PSD2: variants seen among roughly 807,000 people sequenced by gnomAD.
PSD2 encodes the protein pleckstrin and Sec7 domain containing 2.
A neutral mutation model predicts 69.8 loss-of-function variants in PSD2; 38 were observed. The observed-to-expected ratio is 0.54, with a 90% confidence interval of 0.42 to 0.71. The LOEUF (loss-of-function observed/expected upper bound fraction) is 0.71. PSD2 is among the 30% of genes least tolerant of loss of function. The pLI is 0.00. For synonymous variants in PSD2, 412 were observed against 423.0 expected (o/e 0.97, Z 0.32); for missense variants, 943 against 1,014.5 (o/e 0.93, Z 0.96).
chr5:139,822,812 C>T (rs770160510), intron 7 of PSD2, 28 bp downstream of exon 7: 11 of 1,592,494 alleles, frequency 6.9e-6, no homozygotes, highest in Admixed American at 3.5e-5. Context: ...CGGGGGGTGT[C>T]GCATGTCCTC....
chr5:139,807,244 T>C (rs1342269674), intron 1 of PSD2, among the ~76,000 whole-genome samples: 1 of 152,224 alleles, frequency 6.6e-6, no homozygotes, highest in East Asian at 1.9e-4. Context: ...TGAAACCCTG[T>C]GCCCCAGAGC....
At chr5:139,836,061 T>C (rs976916192) in intron 9 of PSD2, among the ~76,000 whole-genome samples, 9 of 152,260 alleles carry the variant, frequency 5.9e-5, no homozygotes, top group African/African-American at 2.2e-4. Flanking sequence ...CCAATTCCCA[T>C]TGATGACCGC....
intron 9 of PSD2, 80 bp from the exon 10 acceptor site, chr5:139,836,731 G>A: frequency 7.7e-7 from 1 of 1,298,312 alleles, no homozygotes; most frequent in Non-Finnish European, 1.1e-6. Flanking sequence ...CTCCTGGAGA[G>A]GAGGCTGGTG....
At chr5:139,808,331 A>T (rs1206749497) in intron 1 of PSD2, among the ~76,000 whole-genome samples, 1 of 152,178 alleles carries the variant, frequency 6.6e-6, no homozygotes, top group Non-Finnish European at 1.5e-5. Context: ...TGCCCTCTAC[A>T]TCTGGGATTA....
Position 139,814,074 on chromosome 5 carries a change from A to G in PSD2, c.822-96A>G, listed in dbSNP as rs1760050988. On this transcript the variant is annotated intron_variant, in intron 3 of 14. Coordinates refer to ENST00000274710, the MANE Select transcript of PSD2 (RefSeq NM_032289.4). This position sits in a 1 kb window ranked among gnomAD's most constrained non-coding sequence, Gnocchi z 4.4. ...CTTCTTTCCCTGTTCTGGCCCCTAC[A>G]TGGTTTGCAGTGGCCTGGGGAAACC... 8.4e-7 allele frequency: 1 copy of G among 1,188,110 alleles called. No homozygotes were observed. Among genetic ancestry groups the G allele is most frequent in the South Asian group, 1.4e-5 (1 of 73,102 alleles). The allele number at this position is 1,188,110 out of a possible 1,614,324, so 73.6% of individuals were successfully genotyped here.
intron 5 of PSD2, among the ~76,000 whole-genome samples, chr5:139,818,923 A>T (rs893640686): frequency 6.6e-6 from 1 of 152,224 alleles, no homozygotes; most frequent in African/African-American, 2.4e-5. Flanking sequence ...TGGGTGAATT[A>T]TCCATCTTTT....
chr5:139,824,775 T>C (rs1018048929), intron 7 of PSD2, among the ~76,000 whole-genome samples: 1 of 152,090 alleles, frequency 6.6e-6, no homozygotes, highest in African/African-American at 2.4e-5. Flanking sequence ...GGCCTGGCGG[T>C]TGCAGTTACT....
intron 12 of PSD2, 34 bp from the exon 13 acceptor site, chr5:139,838,592 TGA>T: frequency 3.1e-6 from 5 of 1,599,468 alleles, no homozygotes; most frequent in Non-Finnish European, 4.3e-6. Context: ...GAGTCCTGTG[TGA>T]GAGGCCGGCA....
In PSD2 at chr5:139,842,304, G is replaced by C. The variant is rs1303424726; in HGVS notation, c.2146G>C (p.Ala716Pro). The C allele has an allele frequency of 6.2e-7, 1 of 1,614,056 alleles. No homozygotes were observed. The highest frequency in any genetic ancestry group is 8.5e-7 in the Non-Finnish European group (1 of 1,180,048). ...SRYETYIHLLAMKIKVGSDDL... is the reference protein window; with the variant it reads ...SRYETYIHLLPMKIKVGSDDL... ...TTATGAGACCTATATCCACCTCCTG[G>C]CTATGAAAATCAAAGTGGGCTCAGA... Residue 716 changes from alanine (A) to proline (P), a missense_variant, in exon 15 of 15, where the codon GCT becomes CCT. Physicochemically the swap from Ala to Pro is conservative, Grantham distance 27. This residue lies in a region of PSD2 where 165 missense variants were observed against 168.8 expected (regional missense o/e 0.98). Coordinates refer to ENST00000274710, the MANE Select transcript of PSD2 (RefSeq NM_032289.4).
chr5:139,748,456 T>A, the PSD2 span, among the ~76,000 whole-genome samples: 1 of 152,116 alleles, frequency 6.6e-6, no homozygotes, highest in Admixed American at 6.5e-5. Context: ...GCAATGCTCG[T>A]GCATTAGTAC....
intron 1 of PSD2, among the ~76,000 whole-genome samples, chr5:139,800,064 G>A (rs1759631568): frequency 6.6e-6 from 1 of 152,212 alleles, no homozygotes; most frequent in Non-Finnish European, 1.5e-5. Context: ...TGGATGGTGG[G>A]CTTCAGGCAC....
At chr5:139,816,738 G>A (rs1015457055) in intron 4 of PSD2, among the ~76,000 whole-genome samples, 20 of 152,174 alleles carry the variant, frequency 1.3e-4, no homozygotes, top group Non-Finnish European at 2.6e-4. Context: ...TCGCTGGCTC[G>A]CTCCTGGGTT....
the PSD2 span, among the ~76,000 whole-genome samples, chr5:139,766,002 G>A: frequency 6.6e-6 from 1 of 152,172 alleles, no homozygotes; most frequent in Non-Finnish European, 1.5e-5. Context: ...CAAGCTGGCG[G>A]CGATGGGGTG....
At chr5:139,821,819 C>CTGTG (rs1388552053) in intron 5 of PSD2, 74 bp from the exon 6 acceptor site, 17 of 810,876 alleles carry the variant, frequency 2.1e-5, no homozygotes, top group Non-Finnish European at 3.5e-5. Context: ...TGGGTGTGTG[C>CTGTG]TGTGTGTGTG....
In PSD2 at chr5:139,843,892, G is replaced by T. The variant is rs1216021392; in HGVS notation, c.*1418G>T. ...TTACTGTAGTTTGGCCAGGAATTTG[G>T]CGTCAGTGGTAACACACTTAGTTAA... On this transcript the variant is annotated 3_prime_UTR_variant, in exon 15 of 15. Coordinates refer to ENST00000274710, the MANE Select transcript of PSD2 (RefSeq NM_032289.4). 1 of 152,194 alleles carries T rather than the reference G, an allele frequency of 6.6e-6. No individual in the cohort carries two copies. The highest frequency in any genetic ancestry group is 2.4e-5 in the African/African-American group (1 of 41,436). The allele number at this position is 152,194 out of a possible 1,614,324, so 9.4% of individuals were successfully genotyped here.
chr5:139,789,118 G>T, the PSD2 span, among the ~76,000 whole-genome samples: 1 of 152,190 alleles, frequency 6.6e-6, no homozygotes, highest in African/African-American at 2.4e-5. Flanking sequence ...GGCCTGTCAG[G>T]GTTGCGGCCC....
chr5:139,808,922 T>C (rs1406396505), intron 1 of PSD2, among the ~76,000 whole-genome samples: 1 of 152,198 alleles, frequency 6.6e-6, no homozygotes, highest in Non-Finnish European at 1.5e-5. Flanking sequence ...TCTCCATTAA[T>C]CACAAAGGTA....
chr5:139,754,051 G>C, the PSD2 span, among the ~76,000 whole-genome samples: 1 of 152,170 alleles, frequency 6.6e-6, no homozygotes, highest in Non-Finnish European at 1.5e-5. Flanking sequence ...GGCCAGTCTA[G>C]TCTCGAACTC....
upstream of PSD2, among the ~76,000 whole-genome samples, chr5:139,792,907 C>T (rs201940271): frequency 5.9e-5 from 6 of 101,186 alleles, no homozygotes; most frequent in East Asian, 7.4e-4. Context: ...TCCTTCCTTC[C>T]TTCTTTCTTT....
Sources: allele counts gnomAD v4.1 joint callset (sites outside exome capture counted in the v4.1 genomes callset), GRCh38; gene constraint gnomAD v4.1.1; regional missense constraint gnomAD v4.1.1; non-coding constraint Gnocchi (gnomAD v3.1); transcripts MANE v1.5; gene names NCBI Gene and HGNC (gene_info 2026-07-23, HGNC 2026-07-21).